PPP1R9A: variants seen among roughly 807,000 people sequenced by gnomAD.
The protein encoded by PPP1R9A is protein phosphatase 1 regulatory subunit 9A, also known as neurabin-1.
PPP1R9A carries 59 observed loss-of-function variants against 141.9 expected under a neutral mutation model. That is an observed-to-expected ratio of 0.42 (90% CI 0.34 to 0.52). The LOEUF (loss-of-function observed/expected upper bound fraction) is 0.52. Ranked by LOEUF, PPP1R9A falls within the 20% of genes least tolerant of loss-of-function variation. The pLI, the probability that PPP1R9A is intolerant of heterozygous loss-of-function variation, is 0.10. For synonymous variants in PPP1R9A, 500 were observed against 569.7 expected (o/e 0.88, Z 1.74); for missense variants, 1,444 against 1,611.9 (o/e 0.90, Z 1.78).
intron 2 of PPP1R9A, among the ~76,000 whole-genome samples, chr7:94,950,938 A>T (rs1584357378): frequency 6.6e-6 from 1 of 151,906 alleles, no homozygotes; most frequent in African/African-American, 2.4e-5. Context: ...GGTAGAGATG[A>T]GGTTTCGCCA....
At chr7:95,287,335 G>A (rs979110934) in intron 18 of PPP1R9A, among the ~76,000 whole-genome samples, 1 of 152,064 alleles carries the variant, frequency 6.6e-6, no homozygotes, top group Non-Finnish European at 1.5e-5. Context: ...GAGGATCTCC[G>A]CATTGCACCT....
chr7:95,027,727 A>G (rs996560030), intron 2 of PPP1R9A, among the ~76,000 whole-genome samples: 9 of 152,186 alleles, frequency 5.9e-5, no homozygotes, highest in Non-Finnish European at 1.2e-4. Flanking sequence ...AGCAACAAAC[A>G]TGTGCAGCAT....
Position 95,251,994 on chromosome 7 carries a change from G to A in PPP1R9A, c.2529G>A (p.Leu843=), listed in dbSNP as rs762854173. The change falls in exon 12 of 20, where the codon CTG becomes CTA. Residue 843 remains leucine (L), a synonymous_variant. Coordinates refer to ENST00000433360, the MANE Select transcript of PPP1R9A (RefSeq NM_001166160.2). ...RDLEAEVFRL[L]KQNGTQVNNN... Reference sequence around the variant, plus strand: ...TGGAAGCTGAGGTATTCAGGCTACTGAAGCAAAATGGGACTCAAGTTAACA... The same window carrying A: ...TGGAAGCTGAGGTATTCAGGCTACTAAAGCAAAATGGGACTCAAGTTAACA... The A allele has an allele frequency of 8.7e-6, 14 of 1,609,650 alleles. No individual in the cohort carries two copies. Among genetic ancestry groups the A allele is most frequent in the Non-Finnish European group, 1.1e-5 (13 of 1,178,916 alleles).
intron 2 of PPP1R9A, among the ~76,000 whole-genome samples, chr7:95,073,799 CT>C (rs1563198923): frequency 6.6e-6 from 1 of 151,634 alleles, no homozygotes; most frequent in Non-Finnish European, 1.5e-5. Context: ...CTAGGTTGGT[CT>C]TTAACTCCTG....
intron 3 of PPP1R9A, among the ~76,000 whole-genome samples, chr7:95,111,598 C>T (rs1820575018): frequency 6.6e-6 from 1 of 152,052 alleles, no homozygotes; most frequent in Non-Finnish European, 1.5e-5. Flanking sequence ...ACCCATCTAT[C>T]TTAGCTGGCT....
intron 5 of PPP1R9A, among the ~76,000 whole-genome samples, chr7:95,190,467 A>AG (rs1835335307): frequency 6.6e-6 from 1 of 152,176 alleles, no homozygotes; most frequent in South Asian, 2.1e-4. Context: ...CCTTGGTTTT[A>AG]GACACGTTGA....
chr7:95,023,799 G>A (rs893390349), intron 2 of PPP1R9A, among the ~76,000 whole-genome samples: 5 of 152,118 alleles, frequency 3.3e-5, no homozygotes, highest in African/African-American at 4.8e-5. Flanking sequence ...TGATCTGCCC[G>A]CCTTGGCCTC....
chr7:94,945,051 G>C (rs1795749471), intron 2 of PPP1R9A, among the ~76,000 whole-genome samples: 1 of 151,906 alleles, frequency 6.6e-6, no homozygotes, highest in Admixed American at 6.6e-5. Context: ...CTCCTTACAT[G>C]AGATACGTAC....
chr7:95,268,662 T>C lies in PPP1R9A; in HGVS notation c.2778T>C (p.Tyr926=). ...RRQRPSRTRL[Y]DSVSSTDGED... The stretch of plus-strand genomic sequence containing the variant: ...AGAGACCCTCTAGGACAAGACTGTA[T>C]GATAGTGTTAGTTCCACAGATGGGG... The change falls in exon 13 of 20, where the codon TAT becomes TAC. Residue 926 remains tyrosine (Y), a synonymous_variant. Coordinates refer to ENST00000433360, the MANE Select transcript of PPP1R9A (RefSeq NM_001166160.2). 1 of 1,613,406 alleles carries C rather than the reference T, an allele frequency of 6.2e-7. No individual in the cohort carries two copies. The highest frequency in any genetic ancestry group is 8.5e-7 in the Non-Finnish European group (1 of 1,179,474).
At chr7:95,288,398 C>A in intron 18 of PPP1R9A, 138 bp from the exon 19 acceptor site, 1 of 1,253,510 alleles carries the variant, frequency 8.0e-7, no homozygotes, top group Non-Finnish European at 1.1e-6. Context: ...TTTCTAACAC[C>A]ACTAGAACCA....
chr7:95,202,682 C>A, intron 6 of PPP1R9A: 1 of 581,840 alleles, frequency 1.7e-6, no homozygotes, highest in Non-Finnish European at 2.2e-6. Flanking sequence ...AACATTTAAT[C>A]TCTTGTCATA....
At chr7:95,192,097 A>G (rs1430092564) in intron 5 of PPP1R9A, among the ~76,000 whole-genome samples, 2 of 152,058 alleles carry the variant, frequency 1.3e-5, no homozygotes, top group African/African-American at 2.4e-5. Context: ...TGGTTTTCAG[A>G]GCACATCTGA....
chr7:95,198,916 A>T (rs1039210005), intron 6 of PPP1R9A, among the ~76,000 whole-genome samples: 1 of 152,236 alleles, frequency 6.6e-6, no homozygotes, highest in East Asian at 1.9e-4. Flanking sequence ...ACAAATATAC[A>T]TAGAAAAGTA....
intron 4 of PPP1R9A, among the ~76,000 whole-genome samples, chr7:95,142,372 C>T: frequency 6.6e-6 from 1 of 151,862 alleles, no homozygotes; most frequent in Non-Finnish European, 1.5e-5. Flanking sequence ...TTCAATTCAT[C>T]TAGTTTTTTT....
chr7:95,055,571 T>G (rs553825095), intron 2 of PPP1R9A, among the ~76,000 whole-genome samples: 32 of 152,326 alleles, frequency 2.1e-4, no homozygotes, highest in African/African-American at 6.3e-4. Flanking sequence ...GTTAATCTTC[T>G]TTAAAAGTGA....
chr7:94,988,424 GT>G (rs960467956), intron 2 of PPP1R9A, among the ~76,000 whole-genome samples: 3 of 151,810 alleles, frequency 2.0e-5, no homozygotes, highest in African/African-American at 7.3e-5. Flanking sequence ...AGTTTAGTAA[GT>G]TTTTTTTGTT....
intron 2 of PPP1R9A, among the ~76,000 whole-genome samples, chr7:95,089,071 A>G (rs186140565): frequency 7.5e-4 from 114 of 152,166 alleles, no homozygotes; most frequent in African/African-American, 2.7e-3. Context: ...GCCAACGTCT[A>G]TTTATAAGTA....
intron 2 of PPP1R9A, among the ~76,000 whole-genome samples, chr7:94,944,453 A>AC (rs11301635): frequency 1.2e-5 from 1 of 80,580 alleles, no homozygotes; most frequent in Non-Finnish European, 2.7e-5. Context: ...CCACCCCCCC[A>AC]CCCCCCGATT....
intron 9 of PPP1R9A, among the ~76,000 whole-genome samples, chr7:95,248,873 T>C (rs1451014308): frequency 6.6e-6 from 1 of 152,200 alleles, no homozygotes; most frequent in East Asian, 1.9e-4. Context: ...ATGTGTTTAG[T>C]TAAAAATATT....
Sources: allele counts gnomAD v4.1 joint callset (sites outside exome capture counted in the v4.1 genomes callset), GRCh38; gene constraint gnomAD v4.1.1; transcripts MANE v1.5; gene names NCBI Gene and HGNC (gene_info 2026-07-23, HGNC 2026-07-21).